USH2A: variants seen among roughly 807,000 people sequenced by gnomAD.
The protein encoded by USH2A is Usher syndrome 2A (autosomal recessive, mild).
USH2A carries 443 observed loss-of-function variants against 538.9 expected under a neutral mutation model. The ratio of observed to expected loss-of-function variants is 0.82; its 90% CI spans 0.76 to 0.89. The LOEUF (loss-of-function observed/expected upper bound fraction) is 0.89. Ranked by LOEUF, USH2A falls within the 40% of genes least tolerant of loss-of-function variation. The pLI, the probability that USH2A is intolerant of heterozygous loss-of-function variation, is 0.00. For missense variants in USH2A, 6,633 were observed against 6,324.8 expected, an observed-to-expected ratio of 1.05 and a Z score of -1.65; for synonymous variants, 2,413 against 2,273.5, an observed-to-expected ratio of 1.06 and a Z score of -1.75.
rs755646290 is a variant in USH2A, at chr1:216,046,489, A to T, written c.6267T>A (p.Cys2089Ter). The change falls in exon 32 of 72, where the codon TGT becomes TGA. Residue 2089 changes from cysteine (C) to a stop codon, truncating the protein, a stop_gained. Coordinates refer to ENST00000307340, the MANE Select transcript of USH2A (RefSeq NM_206933.4). LOFTEE classifies it high-confidence loss of function. ...AGATCAGCCTCCCATCCATGTATAAACAGTACTGAGTTATAATACCATTTG... is the reference window on the plus strand; with the variant it reads ...AGATCAGCCTCCCATCCATGTATAATCAGTACTGAGTTATAATACCATTTG... ...KKANGIITQY[C>*]LYMDGRLIYS... 6.2e-7 allele frequency: 1 copy of T among 1,613,786 alleles called. No homozygotes were observed. The highest frequency in any genetic ancestry group is 1.1e-5 in the South Asian group (1 of 91,066).
chr1:215,942,243 T>C (rs898779650), intron 37 of USH2A, among the ~76,000 whole-genome samples: 1 of 152,176 alleles, frequency 6.6e-6, no homozygotes, highest in African/African-American at 2.4e-5. Context: ...CCCTCATTTC[T>C]TCCCATATGG....
At chr1:216,393,678 T>A (rs1215505292) in intron 3 of USH2A, among the ~76,000 whole-genome samples, 2 of 152,100 alleles carry the variant, frequency 1.3e-5, no homozygotes, top group East Asian at 3.9e-4. Flanking sequence ...TATACTCCAC[T>A]CAGTCACGTT....
chr1:215,717,729 T>G (rs1659524854), intron 61 of USH2A, among the ~76,000 whole-genome samples: 3 of 152,220 alleles, frequency 2.0e-5, no homozygotes, highest in African/African-American at 7.2e-5. Context: ...TTGATGTGTC[T>G]TGGCCCTCAA....
At chr1:216,009,238 G>A (rs1372820320) in intron 32 of USH2A, among the ~76,000 whole-genome samples, 2 of 151,508 alleles carry the variant, frequency 1.3e-5, no homozygotes. Context: ...CTTTTCTCTG[G>A]GCTTGCTTCC....
intron 3 of USH2A, among the ~76,000 whole-genome samples, chr1:216,416,147 C>A (rs547352786): frequency 1.3e-5 from 2 of 152,068 alleles, no homozygotes; most frequent in East Asian, 3.9e-4. Flanking sequence ...GCCTGGGCAA[C>A]AAGGGAGAAA....
rs1413376710 is a variant in USH2A, at chr1:215,934,641, A to C, written c.7275T>G (p.Pro2425=). The change falls in exon 38 of 72, where the codon CCT becomes CCG. Residue 2425 remains proline, a synonymous_variant. Coordinates refer to ENST00000307340, the MANE Select transcript of USH2A (RefSeq NM_206933.4). ...CTCCTGGAGGCATTGCAATTGTTAT[A>C]GGATCAGTTATCAAGCTGCCTTGGC... The part of the protein sequence containing the change: ...SNSQGSLITD[P]ITIAMPPGAP... 6.2e-7 allele frequency: 1 copy of C among 1,612,408 alleles called. No homozygotes were observed. The highest frequency in any genetic ancestry group is 1.1e-5 in the South Asian group (1 of 91,036).
chr1:216,386,912 T>C (rs957365838), intron 3 of USH2A, among the ~76,000 whole-genome samples: 3 of 152,134 alleles, frequency 2.0e-5, no homozygotes, highest in Admixed American at 6.6e-5. Flanking sequence ...TCTTGCAGCT[T>C]TCAGTGAAGA....
chr1:215,957,130 A>G (rs961884630), intron 37 of USH2A, among the ~76,000 whole-genome samples: 33 of 152,160 alleles, frequency 2.2e-4, no homozygotes, highest in South Asian at 2.1e-4. Flanking sequence ...TCTTTTTTGC[A>G]TAAGAGACAT....
intron 21 of USH2A, among the ~76,000 whole-genome samples, chr1:216,163,961 T>G (rs2102630923): frequency 6.6e-6 from 1 of 152,222 alleles, no homozygotes; most frequent in South Asian, 2.1e-4. Flanking sequence ...TTGAGAAATT[T>G]TTTCCAGCTT....
At position 215,703,326 on chromosome 1, in the gene USH2A, C is replaced by T. The variant is rs184689232; in HGVS notation, c.12067-22950G>A. On this transcript the variant is annotated intron_variant, in intron 61 of 71. Coordinates refer to ENST00000307340, the MANE Select transcript of USH2A (RefSeq NM_206933.4). ...CTTGAGGAGGCAGTCTGTCCCTTAG[C>T]GGAGCTCAAGTGCTGTGCTAGGAAA... Among the ~76,000 whole-genome samples the T allele has an allele frequency of 7.1e-4, 108 of 152,284 alleles. 1 individual carries two copies. The South Asian group carries it at 0.011, about 16-fold the overall frequency.
At chr1:216,011,168 A>G (rs1668556077) in intron 32 of USH2A, among the ~76,000 whole-genome samples, 1 of 152,132 alleles carries the variant, frequency 6.6e-6, no homozygotes, top group Admixed American at 6.5e-5. Context: ...TGTTTTGCCT[A>G]TCCACCCCAT....
chr1:216,295,146 A>G (rs72733340), intron 9 of USH2A, among the ~76,000 whole-genome samples: 9 of 151,906 alleles, frequency 5.9e-5, no homozygotes, highest in Non-Finnish European at 1.2e-4. Context: ...TTTTACATAG[A>G]CAATTTTTAT....
chr1:216,292,802 A>C (rs2037028197), intron 9 of USH2A, among the ~76,000 whole-genome samples: 9 of 152,182 alleles, frequency 5.9e-5, no homozygotes, highest in Admixed American at 5.9e-4. Flanking sequence ...GATAGCTCTA[A>C]GACTTTGTAA....
intron 47 of USH2A, among the ~76,000 whole-genome samples, chr1:215,836,989 G>C (rs1347512744): frequency 1.3e-5 from 2 of 151,490 alleles, no homozygotes. Context: ...CTGCTGGGGG[G>C]ATTATAAACT....
intron 41 of USH2A, among the ~76,000 whole-genome samples, chr1:215,887,829 C>T (rs1665103592): frequency 1.3e-5 from 2 of 152,174 alleles, no homozygotes; most frequent in South Asian, 4.1e-4. Flanking sequence ...TGTGTATTTA[C>T]ACAAAAGAGG....
At chr1:216,214,714 G>A (rs1475585463) in intron 15 of USH2A, among the ~76,000 whole-genome samples, 1 of 151,956 alleles carries the variant, frequency 6.6e-6, no homozygotes, top group Non-Finnish European at 1.5e-5. Context: ...CTTTAATAAA[G>A]CTGTTAATAA....
At chr1:216,128,190 A>C (rs1169718209) in intron 21 of USH2A, among the ~76,000 whole-genome samples, 1 of 152,158 alleles carries the variant, frequency 6.6e-6, no homozygotes, top group African/African-American at 2.4e-5. Flanking sequence ...TTATATAGTT[A>C]AAAGTTGATT....
intron 4 of USH2A, among the ~76,000 whole-genome samples, chr1:216,337,620 G>A (rs1418901066): frequency 1.3e-5 from 2 of 151,330 alleles, no homozygotes; most frequent in Admixed American, 6.6e-5. Context: ...GACAAGTTGA[G>A]GATGCTTGCT....
At chr1:216,104,455 C>A (rs1421398455) in intron 21 of USH2A, among the ~76,000 whole-genome samples, 1 of 152,048 alleles carries the variant, frequency 6.6e-6, no homozygotes, top group Non-Finnish European at 1.5e-5. Context: ...TTTTCTTAAT[C>A]CAGTCTGTCA....
Sources: allele counts gnomAD v4.1 joint callset (sites outside exome capture counted in the v4.1 genomes callset), GRCh38; gene constraint gnomAD v4.1.1; transcripts MANE v1.5; gene names NCBI Gene and HGNC (gene_info 2026-07-23, HGNC 2026-07-21).